Variants in RASL10B observed in about 807,000 individuals in gnomAD.
RASL10B encodes RAS like family 10 member B.
RASL10B carries 10 observed loss-of-function variants against 20.7 expected under a neutral mutation model. The observed-to-expected ratio is 0.48, with a 90% CI of 0.30 to 0.82. The LOEUF (loss-of-function observed/expected upper bound fraction) is 0.82. Among genes scored for constraint, RASL10B ranks in the 40% least tolerant of loss-of-function variants. The pLI is 0.07. For missense variants in RASL10B, 231 were observed against 295.4 expected (o/e 0.78, Z 1.60); for synonymous variants, 110 against 123.3 (o/e 0.89, Z 0.72).
At chr17:35,739,932 T>G (rs587600156) in intron 2 of RASL10B, among the ~76,000 whole-genome samples, 1 of 152,228 alleles carries the variant, frequency 6.6e-6, no homozygotes, top group East Asian at 1.9e-4. Flanking sequence ...GAAGGATTGT[T>G]AGAACACAGG....
chr17:35,738,363 T>G (rs2085608217), intron 2 of RASL10B, among the ~76,000 whole-genome samples: 1 of 152,054 alleles, frequency 6.6e-6, no homozygotes, highest in Non-Finnish European at 1.5e-5. Flanking sequence ...AAAGATTAAG[T>G]ATAAAACCTA....
Position 35,741,327 on chromosome 17 carries a change from G to T in RASL10B, c.*22G>T. 1 of 1,428,914 alleles carries T rather than the reference G, an allele frequency of 7.0e-7. No individual in the cohort carries two copies. 88.5% of individuals were successfully genotyped at this position (1,428,914 alleles called of 1,614,324 possible). On this transcript the variant is annotated 3_prime_UTR_variant, in exon 4 of 4. Transcript: ENST00000603017. ...GTGACGCCTGCGCGCCCCTCGGGCT[G>T]CACCGGCACTGGCCGAGCGGAGGGC...
chr17:35,740,777 TC>T (rs2085624013), intron 3 of RASL10B, among the ~76,000 whole-genome samples: 2 of 152,174 alleles, frequency 1.3e-5, no homozygotes, highest in Non-Finnish European at 2.9e-5. Flanking sequence ...GAACAAGACT[TC>T]CAGGGCCACT....
At chr17:35,740,283 G>A in intron 2 of RASL10B, 126 bp from the exon 3 acceptor site, 1 of 1,236,550 alleles carries the variant, frequency 8.1e-7, no homozygotes, top group East Asian at 2.5e-5. Flanking sequence ...TCCTGGGGAT[G>A]GTCGGGTATG....
At position 35,741,766 on chromosome 17, in the gene RASL10B, G is replaced by T. The variant is rs782157808; in HGVS notation, c.*461G>T. 1.0e-3 allele frequency: 161 copies of T among 158,864 alleles called. No individual in the cohort carries two copies. The highest frequency in any genetic ancestry group is 1.8e-3 in the Non-Finnish European group (133 of 72,832). 9.8% of individuals were successfully genotyped at this position (158,864 alleles called of 1,614,324 possible). On this transcript the variant is annotated 3_prime_UTR_variant, in exon 4 of 4. Coordinates refer to ENST00000603017, the MANE Select transcript of RASL10B (RefSeq NM_033315.4). ...TACCCTCCAGTCCCCTCCCAGCTCCGCTCACAGGGCTCTCATTTCGTCCAT... is the reference window on the plus strand; with the variant it reads ...TACCCTCCAGTCCCCTCCCAGCTCCTCTCACAGGGCTCTCATTTCGTCCAT...
chr17:35,739,342 ACT>A (rs1364237462), intron 2 of RASL10B, among the ~76,000 whole-genome samples: 2 of 151,690 alleles, frequency 1.3e-5, no homozygotes, highest in East Asian at 3.9e-4. Context: ...GTGGGAGAAG[ACT>A]CTGGTTTCCT....
rs1348803776 is a variant in RASL10B at position 35,743,513 on chromosome 17, G to C, written c.*2208G>C. ...TAAAAATCAGGGAGTGTTTTCCCTC[G>C]TTTCTGTACCAAGGTGTTGGCTCCA... On this transcript the variant is annotated 3_prime_UTR_variant, in exon 4 of 4. Coordinates refer to ENST00000603017, the MANE Select transcript of RASL10B (RefSeq NM_033315.4). The C allele has an allele frequency of 6.5e-6, 1 of 152,726 alleles. No individual in the cohort carries two copies. Among genetic ancestry groups the C allele is most frequent in the Admixed American group, 6.5e-5 (1 of 15,284 alleles). The allele number at this position is 152,726 out of a possible 1,614,324, so 9.5% of individuals were successfully genotyped here.
At chr17:35,734,606 G>A (rs1248494839) in intron 1 of RASL10B, among the ~76,000 whole-genome samples, 1 of 152,138 alleles carries the variant, frequency 6.6e-6, no homozygotes, top group African/African-American at 2.4e-5. Flanking sequence ...CAATGTGTGG[G>A]CAGTCCTGCA....
intron 2 of RASL10B, among the ~76,000 whole-genome samples, chr17:35,737,925 C>T (rs57517104): frequency 0.013 from 1,978 of 150,066 alleles, 49 homozygotes; most frequent in African/African-American, 0.047. Flanking sequence ...AAAAGTGTGA[C>T]TGTAACTGGA....
chr17:35,741,436 A>C lies in RASL10B; in HGVS notation c.*131A>C. On this transcript the variant is annotated 3_prime_UTR_variant, in exon 4 of 4. Transcript: ENST00000603017. ...CGGCCTGAGGCCCCTGCAGCCACGC[A>C]CCTCCCGGTGAGAAGCAGAGCGCGA... 1 of 1,281,670 alleles carries C rather than the reference A, an allele frequency of 7.8e-7. No individual in the cohort carries two copies. Among genetic ancestry groups the C allele is most frequent in the Non-Finnish European group, 1.0e-6 (1 of 993,238 alleles). 79.4% of individuals were successfully genotyped at this position (1,281,670 alleles called of 1,614,324 possible). A position where few individuals can be genotyped will look rare whatever the true frequency, so the allele number is the denominator to read the frequency against.
At position 35,742,096 on chromosome 17, in the gene RASL10B, TTC is replaced by T. The variant is rs1491301032; in HGVS notation, c.*793_*794del. On this transcript the variant is annotated 3_prime_UTR_variant, in exon 4 of 4. Coordinates refer to ENST00000603017, the MANE Select transcript of RASL10B (RefSeq NM_033315.4). ...ATCACCCCCTGGGTTAAAACTTTTT[TTC>T]TTTTTTTTTTTTGGACAGAGTGTGG... 1.5e-5 allele frequency: 2 copies of T among 132,436 alleles called. No individual in the cohort carries two copies. The highest frequency in any genetic ancestry group is 7.1e-5 in the Admixed American group (1 of 14,048). 8.2% of individuals were successfully genotyped at this position (132,436 alleles called of 1,614,324 possible).
rs1418088634 is a variant in RASL10B at position 35,740,653 on chromosome 17, CACAT to C, written c.341+124_341+127del. 7 of 1,191,896 alleles carry C rather than the reference CACAT, an allele frequency of 5.9e-6. No homozygotes were observed. The East Asian group carries it at 1.7e-4, about 29-fold the overall frequency. The allele number at this position is 1,191,896 out of a possible 1,614,324, so 73.8% of individuals were successfully genotyped here. On this transcript the variant is annotated intron_variant, in intron 3 of 3. Transcript: ENST00000603017. Reference sequence around the variant, plus strand: ...AGGTATATGTGTTCTAAGATTTCCACACATACACTCAAACATGCATACATTGTGC... The same window carrying C: ...AGGTATATGTGTTCTAAGATTTCCACACACTCAAACATGCATACATTGTGC...
At chr17:35,734,916 T>G in intron 1 of RASL10B, 122 bp from the exon 2 acceptor site, 2 of 528,658 alleles carry the variant, frequency 3.8e-6, no homozygotes, top group East Asian at 3.1e-5. Context: ...GCCACAGGGG[T>G]TCTGGGAGAG....
intron 2 of RASL10B, among the ~76,000 whole-genome samples, chr17:35,736,434 C>G (rs587669273): frequency 3.9e-5 from 6 of 152,336 alleles, no homozygotes; most frequent in Non-Finnish European, 8.8e-5. Context: ...TCGGCAACAC[C>G]AGGCAGGAGG....
chr17:35,738,100 T>G (rs1206256222), intron 2 of RASL10B, among the ~76,000 whole-genome samples: 1 of 151,954 alleles, frequency 6.6e-6, no homozygotes, highest in Non-Finnish European at 1.5e-5. Flanking sequence ...AGATATGATA[T>G]TCTCCTTGTA....
At chr17:35,736,400 C>T (rs2085592015) in intron 2 of RASL10B, among the ~76,000 whole-genome samples, 1 of 152,188 alleles carries the variant, frequency 6.6e-6, no homozygotes, top group Non-Finnish European at 1.5e-5. Flanking sequence ...TGGGAGATGG[C>T]GGGCAGCTCA....
chr17:35,735,102 C>G lies in RASL10B; in HGVS notation c.-83C>G. 1 of 1,422,734 alleles carries G rather than the reference C, an allele frequency of 7.0e-7. No individual in the cohort carries two copies. Among genetic ancestry groups the G allele is most frequent in the Non-Finnish European group, 9.7e-7 (1 of 1,031,908 alleles). The allele number at this position is 1,422,734 out of a possible 1,614,324, so 88.1% of individuals were successfully genotyped here. On this transcript the variant is annotated 5_prime_UTR_variant, in exon 2 of 4. Transcript: ENST00000603017. The surrounding 1 kb of genome is among the most constrained non-coding windows in gnomAD (Gnocchi z 6.7). ...CAGCAATGGTTGGTCCTGACGGTGG[C>G]TGAGCCCCCAGCCCCTGGAATATGC...
chr17:35,737,414 A>C (rs891629375), intron 2 of RASL10B, among the ~76,000 whole-genome samples: 1 of 152,188 alleles, frequency 6.6e-6, no homozygotes, highest in Non-Finnish European at 1.5e-5. Flanking sequence ...ACTCCATTGA[A>C]GAGCTATACC....
At chr17:35,740,361 G>A in intron 2 of RASL10B, 48 bp from the exon 3 acceptor site, 1 of 1,597,224 alleles carries the variant, frequency 6.3e-7, no homozygotes, top group Non-Finnish European at 8.6e-7. Flanking sequence ...GGGGCTAGGG[G>A]AGCCCTCATG....
Sources: gnomAD v4.1 joint callset for allele counts (sites outside exome capture counted in the v4.1 genomes callset) on GRCh38, gnomAD v4.1.1 for gene constraint, Gnocchi (gnomAD v3.1) non-coding constraint, MANE v1.5 for transcripts, NCBI Gene and HGNC (gene_info 2026-07-23, HGNC 2026-07-21) for gene names.